The following IL6R variants were observed in gnomAD, a reference collection of about 807,000 sequenced individuals.
The protein encoded by IL6R is interleukin-6 receptor subunit alpha.
A neutral mutation model predicts 48.3 loss-of-function variants in IL6R; 38 were observed. The ratio of observed to expected loss-of-function variants is 0.79; its 90% CI spans 0.61 to 1.03. IL6R has a LOEUF of 1.03. Ranked by LOEUF, IL6R falls within the 50% of genes least tolerant of loss-of-function variation. The pLI is 0.00. For synonymous variants in IL6R, 264 were observed against 256.2 expected, an observed-to-expected ratio of 1.03 and a Z score of -0.29; for missense variants, 534 against 618.3, an observed-to-expected ratio of 0.86 and a Z score of 1.45.
At chr1:154,417,527 A>C (rs1045072226) in intron 1 of IL6R, among the ~76,000 whole-genome samples, 2 of 151,744 alleles carry the variant, frequency 1.3e-5, no homozygotes, top group African/African-American at 4.8e-5. Flanking sequence ...TTATTTCTCT[A>C]TCTGCTCCTG....
intron 6 of IL6R, among the ~76,000 whole-genome samples, chr1:154,438,839 C>T (rs1442655315): frequency 6.6e-6 from 1 of 152,148 alleles, no homozygotes; most frequent in Non-Finnish European, 1.5e-5. Context: ...TCTTTGTTGG[C>T]ACTTTCCTTG....
intron 6 of IL6R, among the ~76,000 whole-genome samples, chr1:154,438,389 C>G (rs949742529): frequency 1.3e-5 from 2 of 151,984 alleles, no homozygotes; most frequent in African/African-American, 4.8e-5. Context: ...TTGCAGCAAT[C>G]TGTTTTATTG....
At chr1:154,422,767 A>T (rs2149223678) in intron 1 of IL6R, among the ~76,000 whole-genome samples, 1 of 152,304 alleles carries the variant, frequency 6.6e-6, no homozygotes, top group East Asian at 1.9e-4. Context: ...AGGGCCTACT[A>T]TGCAAGGCCT....
At chr1:154,437,938 A>G (rs1296531916) in intron 6 of IL6R, among the ~76,000 whole-genome samples, 2 of 135,400 alleles carry the variant, frequency 1.5e-5, no homozygotes, top group African/African-American at 5.6e-5. Flanking sequence ...CTGGTCTTGA[A>G]CTCCTGACCT....
intron 8 of IL6R, among the ~76,000 whole-genome samples, chr1:154,452,029 T>G (rs1327190532): frequency 6.6e-6 from 1 of 152,118 alleles, no homozygotes; most frequent in Non-Finnish European, 1.5e-5. Context: ...TCCTTGTGCT[T>G]TGAGACGTAT....
chr1:154,438,162 G>C (rs1304561858), intron 6 of IL6R, among the ~76,000 whole-genome samples: 1 of 151,748 alleles, frequency 6.6e-6, no homozygotes, highest in Non-Finnish European at 1.5e-5. Flanking sequence ...TCTGTTTCTA[G>C]TTCCTCTGTT....
intron 1 of IL6R, chr1:154,414,919 C>T (rs1688246803): frequency 8.0e-6 from 8 of 1,005,814 alleles, no homozygotes; most frequent in South Asian, 4.1e-5. Context: ...GGTCATGTGG[C>T]GCTGGAAGGA....
intron 6 of IL6R, among the ~76,000 whole-genome samples, chr1:154,445,729 G>A (rs367598991): frequency 4.9e-5 from 7 of 143,750 alleles, no homozygotes; most frequent in South Asian, 4.3e-4. Context: ...CAGCCCAGGC[G>A]ACAGAGCGAG....
intron 1 of IL6R, among the ~76,000 whole-genome samples, chr1:154,407,833 C>T (rs879267308): frequency 2.6e-5 from 4 of 152,154 alleles, no homozygotes; most frequent in Admixed American, 6.5e-5. Flanking sequence ...AGGCTTCTGC[C>T]GGTTCCAACA....
chr1:154,454,360 G>A, intron 8 of IL6R, 128 bp from the exon 9 acceptor site: 5 of 633,534 alleles, frequency 7.9e-6, no homozygotes, highest in South Asian at 1.9e-5. Flanking sequence ...TTTCTGGGAG[G>A]GGGGTTGGAG....
At chr1:154,452,321 A>G (rs1166732163) in intron 8 of IL6R, among the ~76,000 whole-genome samples, 1 of 152,122 alleles carries the variant, frequency 6.6e-6, no homozygotes, top group African/African-American at 2.4e-5. Context: ...CCCTATCTTT[A>G]GACGTTGCCT....
intron 9 of IL6R, among the ~76,000 whole-genome samples, chr1:154,460,945 T>G (rs956935500): frequency 6.6e-6 from 1 of 152,138 alleles, no homozygotes; most frequent in Non-Finnish European, 1.5e-5. Flanking sequence ...AGACCGGTAG[T>G]GGCCCCGAAC....
At chr1:154,445,503 T>C (rs1023441443) in intron 6 of IL6R, among the ~76,000 whole-genome samples, 17 of 152,056 alleles carry the variant, frequency 1.1e-4, no homozygotes, top group Non-Finnish European at 1.8e-4. Context: ...GTAATCTCAG[T>C]ACTTTGGGAG....
intron 1 of IL6R, among the ~76,000 whole-genome samples, chr1:154,426,076 GAC>G (rs34280647): frequency 0.39 from 47,096 of 119,606 alleles, 9,903 homozygotes; most frequent in Non-Finnish European, 0.5. Flanking sequence ...CCCTGTATCA[GAC>G]ACACACACAC....
intron 9 of IL6R, among the ~76,000 whole-genome samples, chr1:154,456,180 A>G (rs1459030708): frequency 6.6e-6 from 1 of 151,102 alleles, no homozygotes; most frequent in Admixed American, 6.6e-5. Flanking sequence ...GATGGTGGCA[A>G]TGGGTTGGAG....
At chr1:154,413,750 A>G (rs1187286050) in intron 1 of IL6R, among the ~76,000 whole-genome samples, 1 of 143,358 alleles carries the variant, frequency 7.0e-6, no homozygotes, top group East Asian at 2.0e-4. Context: ...CTCTTGACAT[A>G]TTAACATGTC....
intron 1 of IL6R, chr1:154,414,835 A>G: frequency 1.3e-6 from 1 of 753,730 alleles, no homozygotes; most frequent in Non-Finnish European, 2.4e-6. Context: ...GAGGAGATTG[A>G]GGCCCAAGAG....
intron 9 of IL6R, among the ~76,000 whole-genome samples, chr1:154,459,002 A>G (rs1691089198): frequency 6.6e-6 from 1 of 152,150 alleles, no homozygotes; most frequent in African/African-American, 2.4e-5. Context: ...CTTTCATTTT[A>G]TAAATGAGGA....
intron 7 of IL6R, among the ~76,000 whole-genome samples, chr1:154,448,443 C>T (rs189537420): frequency 1.3e-5 from 2 of 152,326 alleles, no homozygotes; most frequent in African/African-American, 2.4e-5. Flanking sequence ...TTTTGGACAA[C>T]GCTAATGGCT....
Sources: gnomAD v4.1 joint callset for allele counts (sites outside exome capture counted in the v4.1 genomes callset) on GRCh38, gnomAD v4.1.1 for gene constraint, MANE v1.5 for transcripts, NCBI Gene and HGNC (gene_info 2026-07-23, HGNC 2026-07-21) for gene names.